Variants in CDKAL1 observed in about 807,000 individuals in gnomAD.
CDKAL1 encodes the protein CDKAL1 threonylcarbamoyladenosine tRNA methylthiotransferase.
Under a neutral mutation model 68.2 loss-of-function variants are expected in CDKAL1, and 32 were observed. The ratio of observed to expected loss-of-function variants is 0.47; its 90% CI spans 0.35 to 0.63. The LOEUF is 0.63. Ranked by LOEUF, CDKAL1 falls within the 30% of genes least tolerant of loss-of-function variation. CDKAL1 has a pLI of 0.00. For synonymous variants in CDKAL1, 234 were observed against 244.3 expected (o/e 0.96, Z 0.39); for missense variants, 606 against 696.7 (o/e 0.87, Z 1.47).
chr6:21,023,457 G>A (rs1211205906), intron 11 of CDKAL1, among the ~76,000 whole-genome samples: 3 of 152,064 alleles, frequency 2.0e-5, no homozygotes, highest in Non-Finnish European at 4.4e-5. Flanking sequence ...TTGCCTTTGT[G>A]TTCTTTCTGT....
intron 5 of CDKAL1, among the ~76,000 whole-genome samples, chr6:20,692,943 G>A (rs530264169): frequency 5.9e-5 from 9 of 151,608 alleles, no homozygotes; most frequent in East Asian, 1.9e-4. Context: ...TGGCTAACAC[G>A]GTGAAACCCA....
chr6:20,750,674 G>GTAC (rs1356993333), intron 6 of CDKAL1, among the ~76,000 whole-genome samples: 22 of 151,956 alleles, frequency 1.4e-4, no homozygotes, highest in Non-Finnish European at 2.8e-4. Context: ...AGAAATAACA[G>GTAC]TACTATCAGC....
intron 11 of CDKAL1, among the ~76,000 whole-genome samples, chr6:21,018,033 A>G (rs556321728): frequency 2.7e-4 from 41 of 152,304 alleles, no homozygotes; most frequent in Non-Finnish European, 5.3e-4. Flanking sequence ...ATCAACCTCT[A>G]TGCTTGAGGC....
chr6:20,870,474 C>T (rs1760152651), intron 9 of CDKAL1, among the ~76,000 whole-genome samples: 1 of 152,188 alleles, frequency 6.6e-6, no homozygotes, highest in African/African-American at 2.4e-5. Flanking sequence ...TTTTAAGTTA[C>T]ATCTTGGGAA....
At position 20,762,777 on chromosome 6, in the gene CDKAL1, A is replaced by T. The variant is rs190060935; in HGVS notation, c.517+4134A>T. Among the ~76,000 whole-genome samples the T allele has an allele frequency of 1.1e-3, 173 of 152,296 alleles. 1 individual carries two copies. The Middle Eastern group carries it at 0.014, about 12-fold the overall frequency. Reference sequence around the variant, plus strand: ...AAGAACTGCTGGAATAATCTAACTGATCTTTGCCATCAGTGACTCTCCTTT... The same window carrying T: ...AAGAACTGCTGGAATAATCTAACTGTTCTTTGCCATCAGTGACTCTCCTTT... On this transcript the variant is annotated intron_variant, in intron 7 of 15. Transcript: ENST00000274695.
At chr6:21,166,051 A>C (rs1257850334) in intron 13 of CDKAL1, among the ~76,000 whole-genome samples, 1 of 152,216 alleles carries the variant, frequency 6.6e-6, no homozygotes, top group African/African-American at 2.4e-5. Context: ...AATAGTGCTT[A>C]CCTCATAGAG....
At chr6:20,918,552 C>T (rs1762817526) in intron 9 of CDKAL1, among the ~76,000 whole-genome samples, 1 of 152,150 alleles carries the variant, frequency 6.6e-6, no homozygotes, top group Non-Finnish European at 1.5e-5. Flanking sequence ...TTGTACATCA[C>T]AAAAAGCATG....
At chr6:20,581,767 T>C (rs932680906) in intron 4 of CDKAL1, among the ~76,000 whole-genome samples, 1 of 152,216 alleles carries the variant, frequency 6.6e-6, no homozygotes, top group Non-Finnish European at 1.5e-5. Context: ...TTATAATAAA[T>C]GTCTTGAAGT....
At chr6:20,954,417 G>T (rs1184995029) in intron 9 of CDKAL1, among the ~76,000 whole-genome samples, 1 of 152,128 alleles carries the variant, frequency 6.6e-6, no homozygotes, top group African/African-American at 2.4e-5. Context: ...TTTGGTTCAG[G>T]CTAAAGTCTT....
intron 10 of CDKAL1, among the ~76,000 whole-genome samples, chr6:20,963,972 C>A (rs999879526): frequency 6.6e-6 from 1 of 151,916 alleles, no homozygotes; most frequent in Non-Finnish European, 1.5e-5. Flanking sequence ...AAGAATAAAA[C>A]AACCCCATTA....
At chr6:21,183,981 G>C (rs1314024805) in intron 13 of CDKAL1, among the ~76,000 whole-genome samples, 1 of 152,106 alleles carries the variant, frequency 6.6e-6, no homozygotes, top group Non-Finnish European at 1.5e-5. Context: ...GGTTGGAGGG[G>C]TAGGTTGGAC....
At position 20,660,624 on chromosome 6, in the gene CDKAL1, C is replaced by A. The variant is rs114238713; in HGVS notation, c.371+11247C>A. Among the ~76,000 whole-genome samples, 1,080 of 152,190 alleles carry A rather than the reference C, an allele frequency of 7.1e-3. 12 individuals carry two copies. Among genetic ancestry groups the A allele is most frequent in the African/African-American group, 0.025 (1,038 of 41,502 alleles). ...AATGAGCTCCGGGCCAGCTTCAGGG[C>A]TGTGGCCATTAGATTAGTTAAAGCA... On this transcript the variant is annotated intron_variant, in intron 5 of 15. Coordinates refer to ENST00000274695, the MANE Select transcript of CDKAL1 (RefSeq NM_017774.3).
chr6:20,649,304 G>T lies in CDKAL1; in HGVS notation c.298G>T (p.Asp100Tyr). The T allele has an allele frequency of 6.2e-7, 1 of 1,605,600 alleles. No homozygotes were observed. Among genetic ancestry groups the T allele is most frequent in the Non-Finnish European group, 8.5e-7 (1 of 1,176,654 alleles). The change falls in exon 5 of 16, where the codon GAT (aspartate) becomes TAT (tyrosine). Residue 100 changes from aspartate to tyrosine, a missense_variant. Physicochemically the swap from Asp to Tyr is radical, Grantham distance 160 (BLOSUM62 -3). Transcript: ENST00000274695. ...YGYKITENAS[D>Y]ADLWLLNSCT... is the part of the protein sequence containing the mutation. ...CATTTTTTTAATAGAAAATGCATCCGATGCAGATTTATGGCTCCTGAACAG... is the reference window on the plus strand; with the variant it reads ...CATTTTTTTAATAGAAAATGCATCCTATGCAGATTTATGGCTCCTGAACAG...
At chr6:21,141,656 C>G (rs148254244) in intron 13 of CDKAL1, among the ~76,000 whole-genome samples, 11 of 152,306 alleles carry the variant, frequency 7.2e-5, no homozygotes, top group Non-Finnish European at 1.3e-4. Context: ...TGAAGCAACA[C>G]TGGCATTATG....
intron 12 of CDKAL1, among the ~76,000 whole-genome samples, chr6:21,100,825 T>C (rs1030061496): frequency 6.6e-6 from 1 of 152,348 alleles, no homozygotes; most frequent in East Asian, 1.9e-4. Flanking sequence ...ATGAGTATTA[T>C]CATCTTAGGG....
At chr6:20,932,972 T>A (rs1361171824) in intron 9 of CDKAL1, among the ~76,000 whole-genome samples, 1 of 152,200 alleles carries the variant, frequency 6.6e-6, no homozygotes, top group Non-Finnish European at 1.5e-5. Flanking sequence ...TTATTATTTA[T>A]CCTCAGGTCA....
At position 20,951,582 on chromosome 6, in the gene CDKAL1, T is replaced by C. The variant is rs151060510; in HGVS notation, c.743-3837T>C. 1.2e-3 allele frequency among the ~76,000 whole-genome samples: 178 copies of C among 152,346 alleles called. 5 individuals carry two copies. In the East Asian group the frequency reaches 0.033, roughly 28 times the overall value. ...TGTAATTGCTTGGGTAAGATGATAATGGAATCTCATAGCTAAACTTAAGGC... is the reference window on the plus strand; with the variant it reads ...TGTAATTGCTTGGGTAAGATGATAACGGAATCTCATAGCTAAACTTAAGGC... On this transcript the variant is annotated intron_variant, in intron 9 of 15. Coordinates refer to ENST00000274695, the MANE Select transcript of CDKAL1 (RefSeq NM_017774.3).
intron 13 of CDKAL1, among the ~76,000 whole-genome samples, chr6:21,111,279 A>G (rs570444106): frequency 2.7e-4 from 41 of 152,304 alleles, no homozygotes; most frequent in African/African-American, 8.7e-4. Context: ...ATTTTAGTGG[A>G]TTCATCATGC....
intron 10 of CDKAL1, among the ~76,000 whole-genome samples, chr6:20,994,295 A>G (rs1449020536): frequency 1.3e-5 from 2 of 152,146 alleles, no homozygotes; most frequent in Non-Finnish European, 2.9e-5. Context: ...CCTGGCCGAT[A>G]TGGTGAAACC....
Sources: allele counts gnomAD v4.1 joint callset (sites outside exome capture counted in the v4.1 genomes callset), GRCh38; gene constraint gnomAD v4.1.1; transcripts MANE v1.5; gene names NCBI Gene and HGNC (gene_info 2026-07-23, HGNC 2026-07-21).